The following IRAG2 variants were observed in gnomAD, a reference collection of about 807,000 sequenced individuals.
IRAG2 encodes inositol 1,4,5-triphosphate receptor associated 2.
IRAG2 carries 45 observed loss-of-function variants against 69.9 expected under a neutral mutation model. The ratio of observed to expected loss-of-function variants is 0.64; its 90% CI spans 0.51 to 0.83. The LOEUF (loss-of-function observed/expected upper bound fraction) is 0.83, where lower values mean the gene tolerates loss of function less well. Among genes scored for constraint, IRAG2 ranks in the 40% least tolerant of loss-of-function variants. The pLI is 0.00. For synonymous variants in IRAG2, 193 were observed against 202.4 expected (o/e 0.95, Z 0.40); for missense variants, 520 against 587.0 (o/e 0.89, Z 1.18).
In IRAG2 at chr12:25,069,777, A is replaced by C. The variant is rs372497931; in HGVS notation, c.24+346A>C. Among the ~76,000 whole-genome samples the C allele has an allele frequency of 1.1e-4, 17 of 152,302 alleles. No homozygotes were observed. In the South Asian group the frequency reaches 3.5e-3, roughly 32 times the overall value. On this transcript the variant is annotated intron_variant, in intron 6 of 21. Transcript: ENST00000556887. ...ATGACTGTAAGAAGCCTCAGATCCC[A>C]TTGATTCTCCAAGAATTGAGGTCGA...
At chr12:25,066,978 T>C (rs1002384805) in intron 5 of IRAG2, among the ~76,000 whole-genome samples, 18 of 152,170 alleles carry the variant, frequency 1.2e-4, no homozygotes, top group African/African-American at 4.1e-4. Context: ...GATAAAGTTA[T>C]TGCTGTAGTT....
intron 9 of IRAG2, among the ~76,000 whole-genome samples, chr12:25,080,980 C>T (rs184429669): frequency 3.3e-4 from 50 of 152,230 alleles, no homozygotes; most frequent in South Asian, 6.2e-4. Flanking sequence ...ATTCCAAGAC[C>T]GCCAGTGGAT....
At chr12:25,000,086 C>G (rs963475781), upstream of IRAG2, among the ~76,000 whole-genome samples, 1 of 152,194 alleles carries the variant, frequency 6.6e-6, no homozygotes, top group African/African-American at 2.4e-5. Context: ...AGTATTTGCA[C>G]AGGGCTTAGC....
At chr12:25,099,207 A>C (rs1034319121) in intron 15 of IRAG2, among the ~76,000 whole-genome samples, 3 of 152,138 alleles carry the variant, frequency 2.0e-5, no homozygotes, top group Non-Finnish European at 2.9e-5. Flanking sequence ...CTGCTGACTC[A>C]ACAGTTCCAC....
In IRAG2 at chr12:25,104,074, T is replaced by C; in HGVS notation, c.1046+16T>C. 1.2e-6 allele frequency: 2 copies of C among 1,611,004 alleles called. No individual in the cohort carries two copies. Among genetic ancestry groups the C allele is most frequent in the Non-Finnish European group, 1.7e-6 (2 of 1,178,238 alleles). ...CAAGCAGTTGGTAAGTGTAATTTTATGGTTCCTCTTTGGGAACCTTACTAT... is the reference window on the plus strand; with the variant it reads ...CAAGCAGTTGGTAAGTGTAATTTTACGGTTCCTCTTTGGGAACCTTACTAT... On this transcript the variant is annotated intron_variant, in intron 19 of 21. Coordinates refer to ENST00000556887, the MANE Select transcript of IRAG2 (RefSeq NM_001366544.2).
chr12:25,033,793 C>A, intron 12 of IRAG2: 1 of 398,256 alleles, frequency 2.5e-6, no homozygotes, highest in South Asian at 1.3e-4. Flanking sequence ...CTGTTGACTT[C>A]AAACGTAATG....
chr12:25,092,590 A>ACAATTT (rs1948145356), intron 14 of IRAG2: 1 of 144,444 alleles, frequency 6.9e-6, no homozygotes, highest in Admixed American at 7.0e-5. Flanking sequence ...AAAAAAAAGG[A>ACAATTT]CAGTTTCAGA....
chr12:25,087,727 G>C (rs1036483769), intron 10 of IRAG2, among the ~76,000 whole-genome samples: 1 of 152,142 alleles, frequency 6.6e-6, no homozygotes, highest in Non-Finnish European at 1.5e-5. Flanking sequence ...GCGCCGCACA[G>C]CAGGAGGTGA....
upstream of IRAG2, among the ~76,000 whole-genome samples, chr12:25,050,220 G>T (rs1431054306): frequency 6.6e-6 from 1 of 151,758 alleles, no homozygotes; most frequent in East Asian, 1.9e-4. Context: ...ATGGAAAGTG[G>T]TGCAGGCACT....
At chr12:25,032,838 C>T (rs902465986) in intron 12 of IRAG2, among the ~76,000 whole-genome samples, 4 of 152,176 alleles carry the variant, frequency 2.6e-5, no homozygotes, top group East Asian at 3.8e-4. Context: ...CAAATACCAT[C>T]GCATTGGGGT....
At chr12:25,090,723 C>T in intron 14 of IRAG2, 1 of 375,266 alleles carries the variant, frequency 2.7e-6, no homozygotes, top group Non-Finnish European at 5.3e-6. Context: ...AAAAGTTTCA[C>T]TAATAGGAGA....
At chr12:25,029,821 C>G (rs906996626) in intron 9 of IRAG2, among the ~76,000 whole-genome samples, 2 of 152,194 alleles carry the variant, frequency 1.3e-5, no homozygotes, top group African/African-American at 2.4e-5. Flanking sequence ...CCTGAGACTA[C>G]AGGCATGTGC....
intron 14 of IRAG2, 103 bp downstream of exon 14, chr12:25,090,300 G>A (rs1367451143): frequency 1.1e-5 from 12 of 1,047,232 alleles, no homozygotes; most frequent in African/African-American, 1.6e-5. Context: ...GGAGGATCAT[G>A]GGAGACCAAG....
At chr12:25,066,059 G>A (rs987678923) in intron 4 of IRAG2, among the ~76,000 whole-genome samples, 6 of 151,640 alleles carry the variant, frequency 4.0e-5, no homozygotes, top group African/African-American at 4.8e-5. Context: ...AGTGGGCAGG[G>A]GTTTTCTGAC....
intron 6 of IRAG2, 75 bp from the exon 7 acceptor site, chr12:25,079,169 G>A (rs1033530682): frequency 7.0e-7 from 1 of 1,430,546 alleles, no homozygotes; most frequent in Non-Finnish European, 9.9e-7. Context: ...GTATGAAAAT[G>A]TTTGCTTAAA....
intron 1 of IRAG2, among the ~76,000 whole-genome samples, chr12:25,054,332 G>A (rs564770771): frequency 6.6e-6 from 1 of 152,240 alleles, no homozygotes; most frequent in Non-Finnish European, 1.5e-5. Flanking sequence ...TTGGTTTAAG[G>A]TGTGTCTGCT....
Position 25,107,027 on chromosome 12 carries a change from A to G in IRAG2, c.1233A>G (p.Pro411=), listed in dbSNP as rs778366911. 1.1e-5 allele frequency: 18 copies of G among 1,601,914 alleles called. No individual in the cohort carries two copies. In the African/African-American group the frequency reaches 1.9e-4, roughly 17 times the overall value. ...GTCTTTCTGAAAAGAAAAATAATCCATCAAAGTGGGATGTCTCTTCAGTGT... is the reference window on the plus strand; with the variant it reads ...GTCTTTCTGAAAAGAAAAATAATCCGTCAAAGTGGGATGTCTCTTCAGTGT... The part of the protein sequence containing the change: ...KPSLSEKKNN[P]SKWDVSSVYD... The change falls in exon 21 of 22, where the codon CCA becomes CCG. Residue 411 remains proline (P), a synonymous_variant. Transcript: ENST00000556887.
intron 7 of IRAG2, among the ~76,000 whole-genome samples, chr12:25,023,634 C>G (rs1214729569): frequency 6.6e-6 from 1 of 152,080 alleles, no homozygotes; most frequent in African/African-American, 2.4e-5. Context: ...TTTGTCTTTT[C>G]CTCCCTAACA....
At chr12:25,060,614 T>C (rs1279008102) in intron 1 of IRAG2, among the ~76,000 whole-genome samples, 2 of 151,470 alleles carry the variant, frequency 1.3e-5, no homozygotes, top group Admixed American at 6.6e-5. Context: ...TTATTGGAGA[T>C]AGGATTTCTT....
Sources: allele counts gnomAD v4.1 joint callset (sites outside exome capture counted in the v4.1 genomes callset), GRCh38; gene constraint gnomAD v4.1.1; transcripts MANE v1.5; gene names NCBI Gene and HGNC (gene_info 2026-07-23, HGNC 2026-07-21).